Variants in PXDN observed in about 807,000 individuals in gnomAD.
PXDN encodes the protein peroxidasin homolog.
A neutral mutation model predicts 140.3 loss-of-function variants in PXDN; 77 were observed. The ratio of observed to expected loss-of-function variants is 0.55; its 90% CI spans 0.46 to 0.66. The LOEUF (loss-of-function observed/expected upper bound fraction) is 0.66. Among genes scored for constraint, PXDN ranks in the 30% least tolerant of loss-of-function variants. PXDN has a pLI of 0.00. For synonymous variants in PXDN, 911 were observed against 857.4 expected (o/e 1.06, Z -1.09); for missense variants, 1,838 against 2,039.5 (o/e 0.90, Z 1.90).
intron 21 of PXDN, among the ~76,000 whole-genome samples, chr2:1,638,300 GAAGT>G (rs1164555318): frequency 6.6e-6 from 1 of 152,128 alleles, no homozygotes; most frequent in Non-Finnish European, 1.5e-5. Flanking sequence ...GAAGAAAGCA[GAAGT>G]AAGTTCCTGG....
At chr2:1,740,115 CG>C (rs1362478684) in intron 1 of PXDN, among the ~76,000 whole-genome samples, 1 of 152,184 alleles carries the variant, frequency 6.6e-6, no homozygotes, top group Non-Finnish European at 1.5e-5. Context: ...TCCCAGAAGA[CG>C]CAGTCAGATG....
At chr2:1,705,121 AGAGGGCACG>A (rs1327258459) in intron 1 of PXDN, among the ~76,000 whole-genome samples, 4 of 33,472 alleles carry the variant, frequency 1.2e-4, no homozygotes, top group Non-Finnish European at 2.3e-4. Flanking sequence ...CCGTGAGAGC[AGAGGGCACG>A]TCTGCACACA....
rs1684857919 is a variant in PXDN at position 1,714,773 on chromosome 2, T to C, written c.201-21639A>G. On this transcript the variant is annotated intron_variant, in intron 1 of 22. Transcript: ENST00000252804. This position sits in a 1 kb window ranked among gnomAD's most constrained non-coding sequence, Gnocchi z 4.3. ...TTGATTTTTTTCAGACATTTAGAAA[T>C]GCAAAGTGCATAGCTCTTGGGCCGG... Among the ~76,000 whole-genome samples, 2 of 152,162 alleles carry C rather than the reference T, an allele frequency of 1.3e-5. No individual in the cohort carries two copies. Among genetic ancestry groups the C allele is most frequent in the Non-Finnish European group, 2.9e-5 (2 of 68,028 alleles).
chr2:1,681,670 G>A (rs112440386), intron 6 of PXDN, among the ~76,000 whole-genome samples: 37 of 152,332 alleles, frequency 2.4e-4, no homozygotes, highest in Non-Finnish European at 2.5e-4. Context: ...CCTTTCCCCC[G>A]TGAGCAGGTG....
intron 1 of PXDN, among the ~76,000 whole-genome samples, chr2:1,729,938 C>T (rs1283557565): frequency 6.6e-6 from 1 of 152,204 alleles, no homozygotes; most frequent in Non-Finnish European, 1.5e-5. Context: ...ATTGAACAGA[C>T]ACACAATCAT....
At position 1,684,068 on chromosome 2, in the gene PXDN, C is replaced by T. The variant is rs763118497; in HGVS notation, c.488+12G>A. On this transcript the variant is annotated intron_variant, in intron 5 of 22. Coordinates refer to ENST00000252804, the MANE Select transcript of PXDN (RefSeq NM_012293.3). ...CTGTGAATGGAAAGGCAAGGAACAA[C>T]ACACAACTCACAGCCTCTCGAGCTT... 1 of 1,569,716 alleles carries T rather than the reference C, an allele frequency of 6.4e-7. No homozygotes were observed. Among genetic ancestry groups the T allele is most frequent in the South Asian group, 1.2e-5 (1 of 84,924 alleles).
intron 1 of PXDN, among the ~76,000 whole-genome samples, chr2:1,709,829 CAG>C (rs1684711448): frequency 6.6e-6 from 1 of 152,194 alleles, no homozygotes; most frequent in Admixed American, 6.5e-5. Context: ...TGTGAGGACA[CAG>C]AGAGATGCCA....
At chr2:1,646,347 A>G (rs1414239573) in intron 17 of PXDN, among the ~76,000 whole-genome samples, 1 of 152,202 alleles carries the variant, frequency 6.6e-6, no homozygotes, top group Non-Finnish European at 1.5e-5. Flanking sequence ...CTCTTTTGAA[A>G]TGTTTTGAAA....
Position 1,680,200 on chromosome 2 carries a change from C to T in PXDN, c.723G>A (p.Leu241=). 6.4e-7 allele frequency: 1 copy of T among 1,569,566 alleles called. No individual in the cohort carries two copies. The highest frequency in any genetic ancestry group is 2.4e-5 in the East Asian group (1 of 42,122). ...RSVATITPEE[L]NCERPRITSE... is the part of the protein sequence containing the mutation. ...GCGTGTCGGGCCACTCACCACAGTT[C>T]AGCTCTTCCGGGGTGATGGTTGCCA... is the stretch of plus-strand genomic sequence containing the variant. Residue 241 remains leucine, a synonymous_variant, in exon 7 of 23, where the codon CTG becomes CTA. Coordinates refer to ENST00000252804, the MANE Select transcript of PXDN (RefSeq NM_012293.3).
chr2:1,661,401 C>T (rs1683300597), intron 13 of PXDN, among the ~76,000 whole-genome samples: 1 of 152,132 alleles, frequency 6.6e-6, no homozygotes, highest in Non-Finnish European at 1.5e-5. Context: ...AGGGCACTGG[C>T]GCCGAGGGCA....
chr2:1,695,172 T>G (rs1684273174), intron 1 of PXDN, among the ~76,000 whole-genome samples: 1 of 152,190 alleles, frequency 6.6e-6, no homozygotes, highest in Admixed American at 6.5e-5. Context: ...ACTTGGCTCC[T>G]GGAGCCTGGG....
rs1682453568 is a variant in PXDN, at chr2:1,633,099, C to T, written c.*1105G>A. Reference sequence around the variant, plus strand: ...AATGGTTTTTCTGCCATATCTAATACCTAAAAAATGGACACAATTTCATAA... The same window carrying T: ...AATGGTTTTTCTGCCATATCTAATATCTAAAAAATGGACACAATTTCATAA... On this transcript the variant is annotated 3_prime_UTR_variant, in exon 23 of 23. Coordinates refer to ENST00000252804, the MANE Select transcript of PXDN (RefSeq NM_012293.3). 1 of 152,032 alleles carries T rather than the reference C, an allele frequency of 6.6e-6. No homozygotes were observed. The highest frequency in any genetic ancestry group is 1.5e-5 in the Non-Finnish European group (1 of 67,986). 9.4% of individuals were successfully genotyped at this position (152,032 alleles called of 1,614,324 possible). A position where few individuals can be genotyped will look rare whatever the true frequency, so the allele number is the denominator to read the frequency against.
At chr2:1,698,257 T>C (rs1684342009) in intron 1 of PXDN, among the ~76,000 whole-genome samples, 1 of 152,180 alleles carries the variant, frequency 6.6e-6, no homozygotes, top group South Asian at 2.1e-4. Context: ...GCAATTCCAG[T>C]GGGTCTTATC....
intron 1 of PXDN, among the ~76,000 whole-genome samples, chr2:1,709,401 C>T (rs536770818): frequency 2.6e-5 from 4 of 152,260 alleles, no homozygotes; most frequent in African/African-American, 7.2e-5. Flanking sequence ...ACACTGTGCA[C>T]GGCCCCACAG....
chr2:1,658,560 C>T (rs922770580), intron 14 of PXDN, among the ~76,000 whole-genome samples: 2 of 152,104 alleles, frequency 1.3e-5, no homozygotes, highest in Non-Finnish European at 2.9e-5. Context: ...CAGCACCCCC[C>T]ACTATCCTCC....
chr2:1,658,062 CTCTCTCTCTCTCTCT>C lies in PXDN; in HGVS notation c.1837+2804_1837+2818del. Reference sequence around the variant, plus strand: ...TCTCTCTCTCTCTCTCTCTCTCTCTCTCTCTCTCTCTCTCTCTCTCTCTCTCTCTCTGTTACAGTG... The same window carrying C: ...TCTCTCTCTCTCTCTCTCTCTCTCTCCTCTCTCTCTCTCTCTGTTACAGTG... On this transcript the variant is annotated intron_variant, in intron 14 of 22. Transcript: ENST00000252804. Among the ~76,000 whole-genome samples the C allele has an allele frequency of 1.8e-5, 2 of 110,774 alleles. 1 individual carries two copies. The highest frequency in any genetic ancestry group is 6.8e-5 in the African/African-American group (2 of 29,422). 72.7% of individuals were successfully genotyped at this position (110,774 alleles called of 152,430 possible).
chr2:1,678,405 C>T (rs1395018899), intron 7 of PXDN, among the ~76,000 whole-genome samples: 1 of 152,200 alleles, frequency 6.6e-6, no homozygotes, highest in Non-Finnish European at 1.5e-5. Context: ...TAAAACCCAC[C>T]TAACTGTACA....
rs1683083546 is a variant in PXDN at position 1,654,429 on chromosome 2, T to C, written c.1917A>G (p.Ile639Met). ...CAAACAAATGTGTTCGGGTTGAGTT[T>C]ATAGCTCTGTCAACAGTCGCAATCG... Reference protein sequence around the residue: ...VEAIATVDRAINSTRTHLFDS... With the variant: ...VEAIATVDRAMNSTRTHLFDS... The change falls in exon 15 of 23, where the codon ATA becomes ATG. Residue 639 changes from isoleucine to methionine, a missense_variant. Coordinates refer to ENST00000252804, the MANE Select transcript of PXDN (RefSeq NM_012293.3). 1 of 1,613,676 alleles carries C rather than the reference T, an allele frequency of 6.2e-7. No individual in the cohort carries two copies. Among genetic ancestry groups the C allele is most frequent in the Non-Finnish European group, 8.5e-7 (1 of 1,179,698 alleles).
intron 18 of PXDN, among the ~76,000 whole-genome samples, chr2:1,644,085 A>AAG (rs1162374565): frequency 1.3e-5 from 2 of 150,218 alleles, no homozygotes; most frequent in East Asian, 3.9e-4. Context: ...AAAAAAAAAA[A>AAG]AAAAAAAAAA....
Sources: allele counts gnomAD v4.1 joint callset (sites outside exome capture counted in the v4.1 genomes callset), GRCh38; gene constraint gnomAD v4.1.1; non-coding constraint Gnocchi (gnomAD v3.1); transcripts MANE v1.5; gene names NCBI Gene and HGNC (gene_info 2026-07-23, HGNC 2026-07-21).